SLC35F1: variants seen among roughly 807,000 people sequenced by gnomAD.
SLC35F1 encodes the protein chromosome 6 open reading frame 169.
SLC35F1 carries 14 observed loss-of-function variants against 48.7 expected under a neutral mutation model. The ratio of observed to expected loss-of-function variants is 0.29; its 90% CI spans 0.19 to 0.45. SLC35F1 has a LOEUF of 0.45. SLC35F1 is among the 20% of genes least tolerant of loss of function. The pLI is 1.00. For synonymous variants in SLC35F1, 190 were observed against 202.2 expected (o/e 0.94, Z 0.51); for missense variants, 404 against 500.0 (o/e 0.81, Z 1.83).
At chr6:118,136,721 T>C (rs773160855) in intron 1 of SLC35F1, among the ~76,000 whole-genome samples, 7 of 152,212 alleles carry the variant, frequency 4.6e-5, no homozygotes, top group Non-Finnish European at 1.0e-4. Flanking sequence ...GGATTGTCAA[T>C]GGAACCAAAA....
intron 1 of SLC35F1, among the ~76,000 whole-genome samples, chr6:118,140,002 T>TA (rs890196022): frequency 1.3e-5 from 2 of 152,274 alleles, no homozygotes; most frequent in African/African-American, 4.8e-5. Flanking sequence ...AGTGGAACTT[T>TA]AAAAAAATGG....
At chr6:117,928,795 C>T (rs1010564976) in intron 1 of SLC35F1, among the ~76,000 whole-genome samples, 3 of 152,084 alleles carry the variant, frequency 2.0e-5, no homozygotes, top group Non-Finnish European at 4.4e-5. Context: ...TGTACATGGT[C>T]TGCAGTTATG....
At chr6:118,279,929 G>T (rs1775961898) in intron 6 of SLC35F1, among the ~76,000 whole-genome samples, 1 of 152,168 alleles carries the variant, frequency 6.6e-6, no homozygotes, top group African/African-American at 2.4e-5. Flanking sequence ...TATCAAAGTG[G>T]AAAGATGGTT....
intron 2 of SLC35F1, among the ~76,000 whole-genome samples, chr6:118,186,078 C>A (rs550856144): frequency 6.5e-4 from 99 of 152,262 alleles, no homozygotes; most frequent in African/African-American, 2.3e-3. Context: ...CCTCAGTGGC[C>A]TCCAGCCAGA....
chr6:118,237,210 A>G (rs574293246), intron 3 of SLC35F1, among the ~76,000 whole-genome samples: 2 of 152,258 alleles, frequency 1.3e-5, no homozygotes, highest in African/African-American at 4.8e-5. Context: ...AGCATCATGC[A>G]TAAATTAGCA....
chr6:118,131,684 T>C (rs1229944573), intron 1 of SLC35F1, among the ~76,000 whole-genome samples: 1 of 152,092 alleles, frequency 6.6e-6, no homozygotes, highest in African/African-American at 2.4e-5. Flanking sequence ...TCTACTTTCA[T>C]GAGTATAATT....
At chr6:118,155,683 C>A (rs896417700) in intron 2 of SLC35F1, among the ~76,000 whole-genome samples, 1 of 152,102 alleles carries the variant, frequency 6.6e-6, no homozygotes, top group African/African-American at 2.4e-5. Context: ...AAGGTGTAAG[C>A]ACTTTTATCT....
intron 1 of SLC35F1, among the ~76,000 whole-genome samples, chr6:117,937,469 A>G (rs1776175469): frequency 1.3e-5 from 2 of 152,182 alleles, no homozygotes; most frequent in African/African-American, 4.8e-5. Context: ...ATTATCAACC[A>G]CTAAAAAACT....
At position 118,314,045 on chromosome 6, in the gene SLC35F1, C is replaced by T; in HGVS notation, c.1020C>T (p.Leu340=). ...TTTTTTAGTTTTCAGGACTTTATCTCCTGTCTTTCTTCACCATCCTCATTG... is the reference window on the plus strand; with the variant it reads ...TTTTTTAGTTTTCAGGACTTTATCTTCTGTCTTTCTTCACCATCCTCATTG... The part of the protein sequence containing the change: ...LFHYKFSGLY[L]LSFFTILIGL... Residue 340 remains leucine, a synonymous_variant, in exon 8 of 8, where the codon CTC becomes CTT. Transcript: ENST00000360388. The T allele has an allele frequency of 2.5e-6, 4 of 1,614,112 alleles. No homozygotes were observed. Among genetic ancestry groups the T allele is most frequent in the Non-Finnish European group, 3.4e-6 (4 of 1,180,028 alleles).
At chr6:118,226,485 T>TAC (rs1233953929) in intron 2 of SLC35F1, among the ~76,000 whole-genome samples, 4,790 of 150,536 alleles carry the variant, frequency 0.032, 221 homozygotes, top group African/African-American at 0.1. Flanking sequence ...GATGAATGGA[T>TAC]ACACACACAC....
At chr6:118,256,416 A>G (rs571616916) in intron 3 of SLC35F1, among the ~76,000 whole-genome samples, 1 of 152,276 alleles carries the variant, frequency 6.6e-6, no homozygotes, top group Admixed American at 6.5e-5. Flanking sequence ...ATCACCTACC[A>G]GTTGCCTCAG....
intron 3 of SLC35F1, among the ~76,000 whole-genome samples, chr6:118,241,844 G>C (rs1450627760): frequency 6.6e-6 from 1 of 152,088 alleles, no homozygotes; most frequent in Non-Finnish European, 1.5e-5. Context: ...TTTGAGATTG[G>C]CTTTTTTCAC....
Position 118,227,930 on chromosome 6 carries a change from G to T in SLC35F1, c.350-7579G>T, listed in dbSNP as rs919161939. 1.6e-4 allele frequency among the ~76,000 whole-genome samples: 25 copies of T among 152,158 alleles called. 1 individual carries two copies. ...GTCTTTCTTTCCACCCTTCTGTGCA[G>T]TTTCCTCTTTGAAGTCTTGCATGTA... On this transcript the variant is annotated intron_variant, in intron 2 of 7. Coordinates refer to ENST00000360388, the MANE Select transcript of SLC35F1 (RefSeq NM_001029858.4).
intron 1 of SLC35F1, among the ~76,000 whole-genome samples, chr6:118,091,533 A>G (rs1288765870): frequency 2.0e-5 from 3 of 152,180 alleles, no homozygotes; most frequent in African/African-American, 7.2e-5. Flanking sequence ...CTCCTCAGTT[A>G]TGTGGAAGTG....
intron 1 of SLC35F1, among the ~76,000 whole-genome samples, chr6:118,091,478 G>A (rs1773072573): frequency 6.6e-6 from 1 of 152,212 alleles, no homozygotes; most frequent in African/African-American, 2.4e-5. Context: ...TGCCATGTAA[G>A]ACTTGCCTTT....
At chr6:117,979,688 C>G (rs1776750374) in intron 1 of SLC35F1, among the ~76,000 whole-genome samples, 1 of 152,122 alleles carries the variant, frequency 6.6e-6, no homozygotes, top group Non-Finnish European at 1.5e-5. Context: ...TCTTTCTTTT[C>G]TTCTCTGTGG....
chr6:117,959,235 T>C (rs910535593), intron 1 of SLC35F1, among the ~76,000 whole-genome samples: 6 of 152,212 alleles, frequency 3.9e-5, no homozygotes, highest in African/African-American at 9.7e-5. Context: ...TTTCCTAACA[T>C]TGTAAGTCCC....
intron 2 of SLC35F1, among the ~76,000 whole-genome samples, chr6:118,220,873 C>T (rs572294278): frequency 6.6e-6 from 1 of 152,216 alleles, no homozygotes; most frequent in East Asian, 1.9e-4. Flanking sequence ...TGTCGAATGC[C>T]TTCTTTGAGG....
At chr6:117,974,338 T>A (rs1582594723) in intron 1 of SLC35F1, among the ~76,000 whole-genome samples, 1 of 152,342 alleles carries the variant, frequency 6.6e-6, no homozygotes, top group African/African-American at 2.4e-5. Flanking sequence ...ATAGCTGTAT[T>A]TTCACATGAT....
Sources: gnomAD v4.1 joint callset for allele counts (sites outside exome capture counted in the v4.1 genomes callset) on GRCh38, gnomAD v4.1.1 for gene constraint, MANE v1.5 for transcripts, NCBI Gene and HGNC (gene_info 2026-07-23, HGNC 2026-07-21) for gene names.